The following XXYLT1 variants were observed in gnomAD, a reference collection of about 807,000 sequenced individuals.
XXYLT1 encodes the protein xyloside xylosyltransferase 1.
XXYLT1 carries 20 observed loss-of-function variants against 28.9 expected under a neutral mutation model. That is an observed-to-expected ratio of 0.69 (90% confidence interval 0.49 to 1.00). The LOEUF is 1.00. Among genes scored for constraint, XXYLT1 ranks in the 50% least tolerant of loss-of-function variants. The pLI, the probability that XXYLT1 is intolerant of heterozygous loss-of-function variation, is 0.00. For missense variants in XXYLT1, 542 were observed against 560.1 expected, an observed-to-expected ratio of 0.97 and a Z score of 0.33; for synonymous variants, 257 against 253.8, an observed-to-expected ratio of 1.01 and a Z score of -0.12.
Position 195,069,725 on chromosome 3 carries a change from G to C in XXYLT1, c.1172C>G (p.Pro391Arg). 1.2e-6 allele frequency: 2 copies of C among 1,612,298 alleles called. No homozygotes were observed. The highest frequency in any genetic ancestry group is 1.7e-6 in the Non-Finnish European group (2 of 1,179,460). ...IYHGNCNTPIPED is the reference protein window; with the variant it reads ...IYHGNCNTPIRED The stretch of plus-strand genomic sequence containing the variant: ...AGGCACGGGGAGCGCCTAGTCCTCC[G>C]GGATGGGAGTGTTGCAGTTCCCGTG... Residue 391 changes from proline (P) to arginine (R), a missense_variant, in exon 4 of 4, where the codon CCG becomes CGG. Physicochemically the swap from Pro to Arg is moderately radical, Grantham distance 103. Transcript: ENST00000310380.
chr3:195,259,378 C>T (rs928750782), intron 1 of XXYLT1, among the ~76,000 whole-genome samples: 2 of 152,240 alleles, frequency 1.3e-5, no homozygotes, highest in African/African-American at 2.4e-5. Flanking sequence ...CTGTGGCTTG[C>T]GGGTAAGGCC....
intron 2 of XXYLT1, among the ~76,000 whole-genome samples, chr3:195,194,598 CAA>C (rs1722549815): frequency 1.3e-5 from 2 of 152,246 alleles, no homozygotes; most frequent in East Asian, 3.9e-4. Flanking sequence ...TATGTTCACA[CAA>C]AGATAATGCT....
At chr3:195,079,677 A>G (rs960304567) in intron 3 of XXYLT1, among the ~76,000 whole-genome samples, 1 of 152,100 alleles carries the variant, frequency 6.6e-6, no homozygotes, top group African/African-American at 2.4e-5. Flanking sequence ...GGAAGAGGGA[A>G]CCCTGGGATG....
In XXYLT1 at chr3:195,191,286, C is replaced by T. The variant is rs145628987; in HGVS notation, c.653-34705G>A. Among the ~76,000 whole-genome samples the T allele has an allele frequency of 2.8e-3, 425 of 152,260 alleles. 6 individuals are homozygous for T. The highest frequency in any genetic ancestry group is 7.8e-4 in the Non-Finnish European group (53 of 68,028). ...CCACCCCTCAGAAAGAAGACCAATC[C>T]CTCCTTTTCTCTTTCTTCTCATTCT... On this transcript the variant is annotated intron_variant, in intron 2 of 3. Transcript: ENST00000310380.
intron 3 of XXYLT1, among the ~76,000 whole-genome samples, chr3:195,099,821 A>G (rs1413893409): frequency 2.7e-5 from 3 of 110,304 alleles, no homozygotes; most frequent in African/African-American, 1.1e-4. Context: ...ACACAGCGAG[A>G]CTCTGTCTCA....
chr3:195,103,442 C>T (rs764773851), intron 3 of XXYLT1, among the ~76,000 whole-genome samples: 2 of 141,082 alleles, frequency 1.4e-5, no homozygotes, highest in South Asian at 2.4e-4. Flanking sequence ...CATCACCCCA[C>T]ACCAGCGGCC....
chr3:195,174,491 AC>A (rs564369738), intron 2 of XXYLT1, among the ~76,000 whole-genome samples: 1 of 152,048 alleles, frequency 6.6e-6, no homozygotes, highest in East Asian at 1.9e-4. Flanking sequence ...GGTGCACACC[AC>A]TACACCCGGT....
chr3:195,088,234 G>T (rs546272159), intron 3 of XXYLT1, among the ~76,000 whole-genome samples: 1 of 151,030 alleles, frequency 6.6e-6, no homozygotes, highest in Non-Finnish European at 1.5e-5. Flanking sequence ...TGGGGGCAGG[G>T]CACAGACAAA....
intron 3 of XXYLT1, among the ~76,000 whole-genome samples, chr3:195,106,637 G>C (rs1717109574): frequency 6.6e-6 from 1 of 152,258 alleles, no homozygotes; most frequent in Non-Finnish European, 1.5e-5. Flanking sequence ...CCGCGGCAGG[G>C]AGGGCCGCAG....
intron 1 of XXYLT1, among the ~76,000 whole-genome samples, chr3:195,252,727 C>CACACACACACAG (rs1191544595): frequency 4.2e-5 from 5 of 119,010 alleles, no homozygotes; most frequent in East Asian, 2.3e-4. Context: ...CACACACACA[C>CACACACACACAG]AGAGAGAGAG....
chr3:195,179,864 C>A (rs926240136), intron 2 of XXYLT1, among the ~76,000 whole-genome samples: 1 of 152,194 alleles, frequency 6.6e-6, no homozygotes, highest in Non-Finnish European at 1.5e-5. Flanking sequence ...TGGTGTTGAG[C>A]CAGGAAACCT....
chr3:195,079,295 C>T (rs1715296594), intron 3 of XXYLT1, among the ~76,000 whole-genome samples: 1 of 152,018 alleles, frequency 6.6e-6, no homozygotes, highest in South Asian at 2.1e-4. Context: ...CGCCAGGGAG[C>T]CAGATGGCAC....
intron 2 of XXYLT1, among the ~76,000 whole-genome samples, chr3:195,178,179 C>T (rs1019417950): frequency 1.3e-5 from 2 of 151,908 alleles, no homozygotes; most frequent in African/African-American, 4.8e-5. Flanking sequence ...CCTCGCTCTT[C>T]CCCTTCTGCC....
chr3:195,248,486 A>C lies in XXYLT1; in HGVS notation c.505-21630T>G, dbSNP rs115689227. 8.1e-3 allele frequency among the ~76,000 whole-genome samples: 1,235 copies of C among 152,274 alleles called. 20 individuals carry two copies. Among genetic ancestry groups the C allele is most frequent in the Middle Eastern group, 0.024 (7 of 294 alleles). ...ACAGCTCCCGCTTCCCTGAACAACAACACCACCACAAAAGACGGGAGTTTC... is the reference window on the plus strand; with the variant it reads ...ACAGCTCCCGCTTCCCTGAACAACACCACCACCACAAAAGACGGGAGTTTC... On this transcript the variant is annotated intron_variant, in intron 1 of 3. Coordinates refer to ENST00000310380, the MANE Select transcript of XXYLT1 (RefSeq NM_152531.5).
At chr3:195,117,111 G>A (rs1189239249) in intron 3 of XXYLT1, among the ~76,000 whole-genome samples, 1 of 35,232 alleles carries the variant, frequency 2.8e-5, no homozygotes, top group African/African-American at 1.2e-4. Flanking sequence ...TATATATAGT[G>A]TATACACACA....
At chr3:195,167,744 G>A (rs1238314887) in intron 2 of XXYLT1, among the ~76,000 whole-genome samples, 2 of 152,042 alleles carry the variant, frequency 1.3e-5, no homozygotes, top group Non-Finnish European at 2.9e-5. Flanking sequence ...CTTACGGTAG[G>A]TTGTGCCAAG....
chr3:195,202,197 G>A (rs1722888599), intron 2 of XXYLT1, among the ~76,000 whole-genome samples: 1 of 151,994 alleles, frequency 6.6e-6, no homozygotes, highest in Non-Finnish European at 1.5e-5. Flanking sequence ...AGTAGACAAG[G>A]ACTGACGGAG....
chr3:195,105,309 A>AT (rs1281688736), intron 3 of XXYLT1, among the ~76,000 whole-genome samples: 2 of 152,216 alleles, frequency 1.3e-5, no homozygotes, highest in Admixed American at 1.3e-4. Context: ...TAACAGACGA[A>AT]TTTTCCCTCT....
intron 2 of XXYLT1, among the ~76,000 whole-genome samples, chr3:195,205,418 T>C (rs1055362128): frequency 6.6e-6 from 1 of 152,224 alleles, no homozygotes; most frequent in Non-Finnish European, 1.5e-5. Flanking sequence ...AAAGGTTACA[T>C]ACTTTAGGAT....
Sources: allele counts gnomAD v4.1 joint callset (sites outside exome capture counted in the v4.1 genomes callset), GRCh38; gene constraint gnomAD v4.1.1; transcripts MANE v1.5; gene names NCBI Gene and HGNC (gene_info 2026-07-23, HGNC 2026-07-21).